The following PTPRT variants were observed in gnomAD, a reference collection of about 807,000 sequenced individuals.
The protein encoded by PTPRT is receptor-type tyrosine-protein phosphatase T.
In PTPRT, 56 loss-of-function variants were observed where a neutral mutation model predicts 176.8. That is an observed-to-expected ratio of 0.32 (90% CI 0.26 to 0.40). The LOEUF is 0.40. Among genes scored for constraint, PTPRT ranks in the 10% least tolerant of loss-of-function variants. The pLI is 1.00. For synonymous variants in PTPRT, 783 were observed against 739.0 expected, an observed-to-expected ratio of 1.06 and a Z score of -0.96; for missense variants, 1,540 against 1,908.2, an observed-to-expected ratio of 0.81 and a Z score of 3.60.
At chr20:42,469,452 C>T (rs1226075251) in intron 8 of PTPRT, among the ~76,000 whole-genome samples, 1 of 152,174 alleles carries the variant, frequency 6.6e-6, no homozygotes, top group Non-Finnish European at 1.5e-5. Context: ...ATCTGCCCTC[C>T]TCAGCCTCCC....
At chr20:42,517,552 T>C (rs2072091689) in intron 7 of PTPRT, among the ~76,000 whole-genome samples, 1 of 152,072 alleles carries the variant, frequency 6.6e-6, no homozygotes, top group South Asian at 2.1e-4. Flanking sequence ...GTTCTTTGTT[T>C]ATTCTAACTT....
At chr20:42,304,131 C>T (rs2057510418) in intron 12 of PTPRT, among the ~76,000 whole-genome samples, 2 of 152,140 alleles carry the variant, frequency 1.3e-5, no homozygotes, top group Admixed American at 1.3e-4. Context: ...TCCGTAAGTA[C>T]GACATTCCCA....
At position 42,074,872 on chromosome 20, in the gene PTPRT, G is replaced by C. The variant is rs1002868853; in HGVS notation, c.*6007C>G. Reference sequence around the variant, plus strand: ...AGTGCCATGCAAAAGCCCATCCCTGGTTACTAAAAAACTAGAAGAGTCTGC... The same window carrying C: ...AGTGCCATGCAAAAGCCCATCCCTGCTTACTAAAAAACTAGAAGAGTCTGC... On this transcript the variant is annotated 3_prime_UTR_variant, in exon 31 of 31. Coordinates refer to ENST00000373187, the MANE Select transcript of PTPRT (RefSeq NM_007050.6). 15 of 398,456 alleles carry C rather than the reference G, an allele frequency of 3.8e-5. No homozygotes were observed. The highest frequency in any genetic ancestry group is 3.1e-4 in the African/African-American group (15 of 48,594). 24.7% of individuals were successfully genotyped at this position (398,456 alleles called of 1,614,324 possible).
At chr20:42,832,793 GGATTT>G (rs1935668141) in intron 2 of PTPRT, among the ~76,000 whole-genome samples, 1 of 123,080 alleles carries the variant, frequency 8.1e-6, no homozygotes, top group African/African-American at 3.0e-5. Flanking sequence ...CCAACTAATA[GGATTT>G]GTTAAAAAAA....
intron 1 of PTPRT, among the ~76,000 whole-genome samples, chr20:42,951,243 A>T (rs1386471435): frequency 6.6e-6 from 1 of 152,030 alleles, no homozygotes; most frequent in Non-Finnish European, 1.5e-5. Flanking sequence ...GGATGCTTGG[A>T]TTCATGGAGG....
intron 6 of PTPRT, among the ~76,000 whole-genome samples, chr20:42,719,317 G>A (rs545564698): frequency 6.6e-6 from 1 of 152,304 alleles, no homozygotes; most frequent in Admixed American, 6.5e-5. Context: ...ATGGTAGCCA[G>A]CACTCTGGGG....
intron 1 of PTPRT, among the ~76,000 whole-genome samples, chr20:42,904,789 C>G (rs1403295089): frequency 6.6e-5 from 10 of 152,118 alleles, no homozygotes; most frequent in Admixed American, 6.5e-4. Context: ...TGATCTTTGA[C>G]AAACCTGACA....
chr20:42,032,638 G>C, the PTPRT span, among the ~76,000 whole-genome samples: 8 of 152,282 alleles, frequency 5.3e-5, no homozygotes, highest in South Asian at 1.0e-3. Context: ...CTCCTTTTAA[G>C]TGTGGGCTGG....
At chr20:42,154,139 CA>C (rs1483238577) in intron 17 of PTPRT, among the ~76,000 whole-genome samples, 2 of 152,300 alleles carry the variant, frequency 1.3e-5, no homozygotes, top group East Asian at 3.9e-4. Context: ...GGGCGTGGGC[CA>C]GTAATTCCTC....
At chr20:42,604,986 C>G (rs1250346908) in intron 7 of PTPRT, among the ~76,000 whole-genome samples, 1 of 152,138 alleles carries the variant, frequency 6.6e-6, no homozygotes, top group African/African-American at 2.4e-5. Context: ...GCAGGGGTGT[C>G]TGATATAGGC....
chr20:43,030,974 G>A lies in PTPRT; in HGVS notation c.89-145042C>T, dbSNP rs1986116720. ...CTGAGACCATCACCTGGAAAGGAGT[G>A]AAGGATGCAGGATGGAGCAGAGGAA... On this transcript the variant is annotated intron_variant, in intron 1 of 30. Transcript: ENST00000373187. Among the ~76,000 whole-genome samples, 3 of 152,180 alleles carry A rather than the reference G, an allele frequency of 2.0e-5. No individual in the cohort carries two copies. The South Asian group carries it at 6.2e-4, about 32-fold the overall frequency.
chr20:43,127,251 A>G (rs542784734), intron 1 of PTPRT, among the ~76,000 whole-genome samples: 376 of 151,882 alleles, frequency 2.5e-3, no homozygotes, highest in African/African-American at 7.1e-3. Context: ...GTGAAACCCT[A>G]TCTCTACTAA....
At chr20:42,410,431 A>G (rs941830957) in intron 9 of PTPRT, among the ~76,000 whole-genome samples, 1 of 152,192 alleles carries the variant, frequency 6.6e-6, no homozygotes. Context: ...ACAAAAATAC[A>G]TAAAACAAAA....
intron 7 of PTPRT, among the ~76,000 whole-genome samples, chr20:42,515,864 A>G (rs2072055901): frequency 6.6e-6 from 1 of 150,496 alleles, no homozygotes; most frequent in Non-Finnish European, 1.5e-5. Flanking sequence ...CAAATGTCCA[A>G]CAATGATAGA....
At chr20:42,250,030 C>T (rs1050875976) in intron 13 of PTPRT, among the ~76,000 whole-genome samples, 1 of 152,238 alleles carries the variant, frequency 6.6e-6, no homozygotes, top group African/African-American at 2.4e-5. Flanking sequence ...TCTTCATCAG[C>T]CAATACGCTT....
At chr20:42,436,120 A>C (rs532549094) in intron 9 of PTPRT, among the ~76,000 whole-genome samples, 13 of 152,308 alleles carry the variant, frequency 8.5e-5, no homozygotes, top group African/African-American at 3.1e-4. Flanking sequence ...CAAAAACTTA[A>C]ATTTCAGGAG....
downstream of PTPRT, among the ~76,000 whole-genome samples, chr20:42,070,781 AT>A (rs1448998367): frequency 1.1e-4 from 16 of 152,168 alleles, no homozygotes; most frequent in Admixed American, 5.2e-4. Context: ...ATAATTTTAT[AT>A]TGAGTCCTTT....
At chr20:42,664,915 T>G (rs550771203) in intron 7 of PTPRT, among the ~76,000 whole-genome samples, 1 of 152,254 alleles carries the variant, frequency 6.6e-6, no homozygotes, top group Non-Finnish European at 1.5e-5. Flanking sequence ...TGAAACTGGA[T>G]CCCCTCCTTA....
chr20:42,850,908 A>G (rs1219145043), intron 2 of PTPRT, among the ~76,000 whole-genome samples: 3 of 152,262 alleles, frequency 2.0e-5, no homozygotes, highest in Non-Finnish European at 2.9e-5. Flanking sequence ...CACAGATGGG[A>G]AAAAACAAGC....
Sources: allele counts gnomAD v4.1 joint callset (sites outside exome capture counted in the v4.1 genomes callset), GRCh38; gene constraint gnomAD v4.1.1; transcripts MANE v1.5; gene names NCBI Gene and HGNC (gene_info 2026-07-23, HGNC 2026-07-21).